ANKS1A: variants seen among roughly 807,000 people sequenced by gnomAD.
ANKS1A encodes ankyrin repeat and SAM domain-containing protein 1A.
A neutral mutation model predicts 120.3 loss-of-function variants in ANKS1A; 55 were observed. The ratio of observed to expected loss-of-function variants is 0.46; its 90% CI spans 0.37 to 0.57. The LOEUF (loss-of-function observed/expected upper bound fraction) is 0.57, where lower values mean the gene tolerates loss of function less well. Ranked by LOEUF, ANKS1A falls within the 20% of genes least tolerant of loss-of-function variation. The pLI, the probability that ANKS1A is intolerant of heterozygous loss-of-function variation, is 0.00. For synonymous variants in ANKS1A, 590 were observed against 604.7 expected (o/e 0.98, Z 0.36); for missense variants, 1,123 against 1,480.3 (o/e 0.76, Z 3.96).
intron 8 of ANKS1A, 92 bp from the exon 9 acceptor site, chr6:34,989,132 T>G: frequency 1.7e-6 from 2 of 1,201,668 alleles, no homozygotes; most frequent in Non-Finnish European, 2.4e-6. Flanking sequence ...TACATTATTT[T>G]TTTCATTTCT....
chr6:35,058,475 TGCGGCA>T lies in ANKS1A; in HGVS notation c.2078-1668_2078-1663del, dbSNP rs1289139247. The T allele has an allele frequency of 6.6e-6, 1 of 152,228 alleles. No individual in the cohort carries two copies. Among genetic ancestry groups the T allele is most frequent in the Non-Finnish European group, 1.5e-5 (1 of 68,042 alleles). 9.4% of individuals were successfully genotyped at this position (152,228 alleles called of 1,614,324 possible). On this transcript the variant is annotated intron_variant, in intron 12 of 23. Coordinates refer to ENST00000360359, the MANE Select transcript of ANKS1A (RefSeq NM_015245.3). This position sits in a 1 kb window ranked among gnomAD's most constrained non-coding sequence, Gnocchi z 5.1. The stretch of plus-strand genomic sequence containing the variant: ...CCCCAGACTCGGCATCTTGGAGCGC[TGCGGCA>T]GCGTGCATCCAGAAGGCCGCCGGGT...
rs1777548388 is a variant in ANKS1A, at chr6:35,079,501, C to G, written c.2284-15C>G. Reference sequence around the variant, plus strand: ...GTGCTGAGATGTCAGTTTCACCTCCCTCCTTGCCCTGTAGGTGAAGGCTCT... The same window carrying G: ...GTGCTGAGATGTCAGTTTCACCTCCGTCCTTGCCCTGTAGGTGAAGGCTCT... On this transcript the variant is annotated splice_polypyrimidine_tract_variant and intron_variant, in intron 14 of 23. Coordinates refer to ENST00000360359, the MANE Select transcript of ANKS1A (RefSeq NM_015245.3). 6.2e-7 allele frequency: 1 copy of G among 1,613,166 alleles called. No homozygotes were observed. The highest frequency in any genetic ancestry group is 1.3e-5 in the African/African-American group (1 of 74,912).
chr6:34,923,015 G>A (rs1768520307), intron 1 of ANKS1A, among the ~76,000 whole-genome samples: 1 of 152,088 alleles, frequency 6.6e-6, no homozygotes, highest in Admixed American at 6.5e-5. Flanking sequence ...TTAGCCCAGG[G>A]GCAAAGGTAG....
intron 8 of ANKS1A, 74 bp from the exon 9 acceptor site, chr6:34,989,149 TA>T: frequency 1.4e-6 from 2 of 1,411,506 alleles, no homozygotes; most frequent in Non-Finnish European, 2.0e-6. Context: ...TTCTAAGGGC[TA>T]AGATGAGGGC....
At position 34,914,849 on chromosome 6, in the gene ANKS1A, C is replaced by G. The variant is rs143320464; in HGVS notation, c.197+25250C>G. ...TGTTCAAAGGCTCTGAGTGTGGGAGCAGGGGCAGCAGTAAAGTTGTCTCTT... is the reference window on the plus strand; with the variant it reads ...TGTTCAAAGGCTCTGAGTGTGGGAGGAGGGGCAGCAGTAAAGTTGTCTCTT... On this transcript the variant is annotated intron_variant, in intron 1 of 23. Coordinates refer to ENST00000360359, the MANE Select transcript of ANKS1A (RefSeq NM_015245.3). 7.0e-3 allele frequency among the ~76,000 whole-genome samples: 1,066 copies of G among 152,230 alleles called. 4 individuals carry two copies. The highest frequency in any genetic ancestry group is 0.012 in the Non-Finnish European group (792 of 68,018).
chr6:35,028,489 T>C (rs1774738719), intron 11 of ANKS1A, among the ~76,000 whole-genome samples: 1 of 152,234 alleles, frequency 6.6e-6, no homozygotes, highest in African/African-American at 2.4e-5. Flanking sequence ...CTTAGGGATT[T>C]TGTATTTTTA....
intron 1 of ANKS1A, among the ~76,000 whole-genome samples, chr6:34,913,302 C>T (rs1767991609): frequency 6.6e-6 from 1 of 152,136 alleles, no homozygotes; most frequent in African/African-American, 2.4e-5. Context: ...TACCCATTCA[C>T]TAGTTAGGAG....
At chr6:34,913,619 TTTGTTGTTG>T (rs549695039) in intron 1 of ANKS1A, among the ~76,000 whole-genome samples, 8 of 151,116 alleles carry the variant, frequency 5.3e-5, no homozygotes, top group East Asian at 3.9e-4. Context: ...AACAAAATAG[TTTGTTGTTG>T]TTGTTGTTGT....
At chr6:35,024,176 G>T (rs17608770) in intron 11 of ANKS1A, among the ~76,000 whole-genome samples, 1,954 of 152,204 alleles carry the variant, frequency 0.013, 30 homozygotes, top group Non-Finnish European at 0.02. Context: ...GTGTTCCTGC[G>T]GCAGAGTCTC....
At chr6:35,053,966 T>TTGCA in intron 11 of ANKS1A, 133 bp from the exon 12 acceptor site, 1 of 721,310 alleles carries the variant, frequency 1.4e-6, no homozygotes, top group Non-Finnish European at 2.5e-6. Context: ...TCCTGATACC[T>TTGCA]TGCAGGCTGG....
At chr6:34,909,394 A>C (rs1767801608) in intron 1 of ANKS1A, among the ~76,000 whole-genome samples, 1 of 152,176 alleles carries the variant, frequency 6.6e-6, no homozygotes, top group African/African-American at 2.4e-5. Flanking sequence ...AATCATTATC[A>C]TTATCATTAA....
At position 34,981,753 on chromosome 6, in the gene ANKS1A, G is replaced by C; in HGVS notation, c.499G>C (p.Val167Leu). The C allele has an allele frequency of 6.2e-7, 1 of 1,614,150 alleles. No homozygotes were observed. The highest frequency in any genetic ancestry group is 1.1e-5 in the South Asian group (1 of 91,082). Residue 167 changes from valine (V) to leucine (L), a missense_variant, in exon 4 of 24, where the codon GTG (valine) becomes CTG (leucine). Val to Leu is a conservative substitution (Grantham distance 32, BLOSUM62 1). Transcript: ENST00000360359. ...GTATGGCCACACAGAGGTGGTGAAG[G>C]TGCTCTTAGAGGAGCTGACGGACCC... ...AQYGHTEVVK[V>L]LLEELTDPTM...
intron 11 of ANKS1A, among the ~76,000 whole-genome samples, chr6:35,039,091 TG>T (rs36124416): frequency 0.01 from 1,176 of 113,868 alleles, 70 homozygotes; most frequent in Admixed American, 0.09. Context: ...TGTGTGTGTG[TG>T]GGGGGGGGTT....
At chr6:34,923,610 T>A (rs1768552777) in intron 1 of ANKS1A, among the ~76,000 whole-genome samples, 2 of 151,976 alleles carry the variant, frequency 1.3e-5, no homozygotes, top group Non-Finnish European at 2.9e-5. Flanking sequence ...AGGCTTAGAG[T>A]TTAAACAACT....
Position 34,889,815 on chromosome 6 carries a change from G to T in ANKS1A, c.197+216G>T, listed in dbSNP as rs1008473070. Among the ~76,000 whole-genome samples, 1 of 152,138 alleles carries T rather than the reference G, an allele frequency of 6.6e-6. No homozygotes were observed. Among genetic ancestry groups the T allele is most frequent in the Non-Finnish European group, 1.5e-5 (1 of 68,018 alleles). On this transcript the variant is annotated intron_variant, in intron 1 of 23. Transcript: ENST00000360359. This position sits in a 1 kb window ranked among gnomAD's most constrained non-coding sequence, Gnocchi z 5.5. ...TCGCCTGGTCTCCCGTTCTGACCCG[G>T]CTGCGAAGAATGGTGGGAGTGCCCA...
intron 10 of ANKS1A, among the ~76,000 whole-genome samples, chr6:34,998,695 G>A (rs1403396323): frequency 6.6e-6 from 1 of 152,146 alleles, no homozygotes; most frequent in Non-Finnish European, 1.5e-5. Context: ...AGAGTTGTGA[G>A]CCCTTAAAAG....
intron 10 of ANKS1A, among the ~76,000 whole-genome samples, chr6:35,013,326 G>T (rs1031197099): frequency 1.3e-5 from 2 of 151,884 alleles, no homozygotes; most frequent in African/African-American, 2.4e-5. Context: ...ACAAGGTCTC[G>T]CTGTGTCTCC....
intron 11 of ANKS1A, among the ~76,000 whole-genome samples, chr6:35,026,960 T>C (rs1774659054): frequency 6.6e-6 from 1 of 152,146 alleles, no homozygotes; most frequent in Non-Finnish European, 1.5e-5. Context: ...TCAAACTTGA[T>C]CATTGTTCTT....
At chr6:35,020,944 G>A (rs1050637652) in intron 11 of ANKS1A, among the ~76,000 whole-genome samples, 12 of 152,190 alleles carry the variant, frequency 7.9e-5, no homozygotes, top group African/African-American at 2.9e-4. Flanking sequence ...AGGCAATTGA[G>A]GTCTTATTGG....
Sources: allele counts gnomAD v4.1 joint callset (sites outside exome capture counted in the v4.1 genomes callset), GRCh38; gene constraint gnomAD v4.1.1; non-coding constraint Gnocchi (gnomAD v3.1); transcripts MANE v1.5; gene names NCBI Gene and HGNC (gene_info 2026-07-23, HGNC 2026-07-21).